The following SHANK2 variants were observed in gnomAD, a reference collection of about 807,000 sequenced individuals.
The protein encoded by SHANK2 is SH3 and multiple ankyrin repeat domains 2.
A neutral mutation model predicts 133.7 loss-of-function variants in SHANK2; 43 were observed. The observed-to-expected ratio is 0.32, with a 90% CI of 0.25 to 0.41. SHANK2 has a LOEUF of 0.41. SHANK2 is among the 10% of genes least tolerant of loss of function. The pLI, the probability that SHANK2 is intolerant of heterozygous loss-of-function variation, is 1.00. For synonymous variants in SHANK2, 1,017 were observed against 952.8 expected (o/e 1.07, Z -1.24); for missense variants, 1,994 against 2,235.8 (o/e 0.89, Z 2.18).
chr11:71,083,765 C>T (rs1313778267), intron 8 of SHANK2, among the ~76,000 whole-genome samples: 2 of 152,166 alleles, frequency 1.3e-5, no homozygotes, highest in Admixed American at 6.5e-5. Flanking sequence ...TGAAGTTGCA[C>T]GGTGGATGTA....
Position 70,830,382 on chromosome 11 carries a change from G to A in SHANK2, c.1175-9700C>T, listed in dbSNP as rs1468267545. ...GCCCTCCCAGAAATCCACACTTGGG[G>A]TTATTGCAGGAGACGAGCTCACCCC... On this transcript the variant is annotated intron_variant, in intron 11 of 25. Coordinates refer to ENST00000601538, the MANE Select transcript of SHANK2 (RefSeq NM_012309.5). This position sits in a 1 kb window ranked among gnomAD's most constrained non-coding sequence, Gnocchi z 4.4. Among the ~76,000 whole-genome samples the A allele has an allele frequency of 3.9e-5, 6 of 152,188 alleles. No homozygotes were observed. Among genetic ancestry groups the A allele is most frequent in the Non-Finnish European group, 8.8e-5 (6 of 68,036 alleles).
At chr11:70,627,389 G>A (rs145600336) in intron 17 of SHANK2, among the ~76,000 whole-genome samples, 18 of 152,324 alleles carry the variant, frequency 1.2e-4, no homozygotes, top group African/African-American at 4.3e-4. Flanking sequence ...GTTCCTAAGT[G>A]AGGAGGGCAA....
In SHANK2 at chr11:70,658,208, A is replaced by AACACACAC. The variant is rs782131753; in HGVS notation, c.2061+1612_2061+1619dup. Among the ~76,000 whole-genome samples the AACACACAC allele has an allele frequency of 7.6e-4, 74 of 97,560 alleles. 1 individual carries two copies. The highest frequency in any genetic ancestry group is 1.8e-3 in the South Asian group (4 of 2,264). 64.0% of individuals were successfully genotyped at this position (97,560 alleles called of 152,430 possible). On this transcript the variant is annotated intron_variant, in intron 17 of 25. Transcript: ENST00000601538. Reference sequence around the variant, plus strand: ...GCTAGGCCCAAGGCCACGCCCCCCCAACACACACACACACACACACACACA... The same window carrying AACACACAC: ...GCTAGGCCCAAGGCCACGCCCCCCCAACACACACACACACACACACACACACACACACA...
At chr11:70,799,064 G>A (rs1272884219) in intron 13 of SHANK2, among the ~76,000 whole-genome samples, 2 of 152,290 alleles carry the variant, frequency 1.3e-5, no homozygotes, top group African/African-American at 4.8e-5. Flanking sequence ...CACCTGCCCG[G>A]CTCTGTCTGG....
chr11:70,734,681 C>A (rs540941936), intron 14 of SHANK2, among the ~76,000 whole-genome samples: 1 of 152,200 alleles, frequency 6.6e-6, no homozygotes, highest in Non-Finnish European at 1.5e-5. Context: ...TCAGCAGGGG[C>A]CCCACAGCCT....
rs554497469 is a variant in SHANK2, at chr11:70,644,551, G to T, written c.2061+15277C>A. Among the ~76,000 whole-genome samples the T allele has an allele frequency of 9.8e-5, 15 of 152,354 alleles. No homozygotes were observed. The East Asian group carries it at 2.9e-3, about 29-fold the overall frequency. ...GCGACAGGAACTGAGGGGGCCCCCG[G>T]CCAAGGGCAGGACCAGCAGCCCTCC... On this transcript the variant is annotated intron_variant, in intron 17 of 25. Transcript: ENST00000601538.
At chr11:70,572,842 C>T (rs960726661) in intron 17 of SHANK2, among the ~76,000 whole-genome samples, 3 of 152,150 alleles carry the variant, frequency 2.0e-5, no homozygotes, top group African/African-American at 7.2e-5. Flanking sequence ...ACCGCTTGGC[C>T]GTCTCTCAAA....
intron 2 of SHANK2, among the ~76,000 whole-genome samples, chr11:71,192,622 G>A (rs1411460628): frequency 1.3e-5 from 2 of 152,120 alleles, no homozygotes; most frequent in South Asian, 2.1e-4. Context: ...AAGGAACAAC[G>A]TGCCCCACCC....
chr11:70,803,971 G>C (rs114887553), intron 13 of SHANK2, among the ~76,000 whole-genome samples: 16 of 152,092 alleles, frequency 1.1e-4, no homozygotes, highest in African/African-American at 2.4e-5. Context: ...AAATGGGACC[G>C]AGCGGAGGAG....
At chr11:70,917,032 A>G (rs1243172525) in intron 10 of SHANK2, among the ~76,000 whole-genome samples, 1 of 152,168 alleles carries the variant, frequency 6.6e-6, no homozygotes, top group Non-Finnish European at 1.5e-5. Context: ...AGGAGAGGGA[A>G]AGCGACCAAG....
chr11:70,822,914 C>G (rs1590725233), intron 11 of SHANK2, among the ~76,000 whole-genome samples: 1 of 45,978 alleles, frequency 2.2e-5, no homozygotes, highest in Non-Finnish European at 3.9e-5. Context: ...AGAGGTGGCA[C>G]TGGCAGAGGT....
intron 11 of SHANK2, among the ~76,000 whole-genome samples, chr11:70,880,446 T>C: frequency 6.6e-6 from 1 of 152,082 alleles, no homozygotes; most frequent in East Asian, 1.9e-4. Flanking sequence ...CAGGGACAGC[T>C]CCTGCCTGTG....
intron 11 of SHANK2, chr11:70,864,462 C>G (rs1328023893): frequency 2.0e-5 from 3 of 152,554 alleles, no homozygotes; most frequent in Admixed American, 6.5e-5. Context: ...CAGCCCAGGT[C>G]CCCCACTGTC....
Position 70,471,507 on chromosome 11 carries a change from G to A in SHANK2, c.*1362C>T, listed in dbSNP as rs2058598153. The stretch of plus-strand genomic sequence containing the variant: ...GGCGGGGCTCAAGAAAGCCTTGCCA[G>A]AGAGGCTGACCTGGCAGCCCAGGAG... On this transcript the variant is annotated 3_prime_UTR_variant, in exon 26 of 26. Transcript: ENST00000601538. The surrounding 1 kb of genome is among the most constrained non-coding windows in gnomAD (Gnocchi z 4.1). The A allele has an allele frequency of 2.5e-6, 1 of 398,024 alleles. No homozygotes were observed. Among genetic ancestry groups the A allele is most frequent in the Admixed American group, 4.4e-5 (1 of 22,702 alleles). The allele number at this position is 398,024 out of a possible 1,614,324, so 24.7% of individuals were successfully genotyped here.
At chr11:70,727,745 G>A (rs906939523) in intron 14 of SHANK2, among the ~76,000 whole-genome samples, 6 of 152,184 alleles carry the variant, frequency 3.9e-5, no homozygotes, top group Non-Finnish European at 2.9e-5. Context: ...ACCTCCCAAG[G>A]TCCCGGGTTG....
At chr11:70,815,931 G>A (rs560346889) in intron 12 of SHANK2, among the ~76,000 whole-genome samples, 20 of 152,272 alleles carry the variant, frequency 1.3e-4, no homozygotes, top group East Asian at 7.7e-4. Flanking sequence ...CTGGCCAGTC[G>A]CCTCCCTGCC....
chr11:70,833,265 C>T (rs1295411920), intron 11 of SHANK2, among the ~76,000 whole-genome samples: 5 of 150,262 alleles, frequency 3.3e-5, no homozygotes, highest in African/African-American at 7.6e-5. Context: ...TGTGGCTAGA[C>T]GCCCCGACTG....
chr11:70,918,841 T>C (rs1243953851), intron 10 of SHANK2, among the ~76,000 whole-genome samples: 1 of 152,148 alleles, frequency 6.6e-6, no homozygotes, highest in African/African-American at 2.4e-5. Flanking sequence ...ATAAAAATAG[T>C]ATACACTGAT....
At chr11:70,557,147 G>A (rs963152888) in intron 17 of SHANK2, among the ~76,000 whole-genome samples, 4 of 90,722 alleles carry the variant, frequency 4.4e-5, no homozygotes, top group African/African-American at 1.6e-4. Flanking sequence ...TGCACTAAAA[G>A]CCTCATTCAT....
Sources: allele counts gnomAD v4.1 joint callset (sites outside exome capture counted in the v4.1 genomes callset), GRCh38; gene constraint gnomAD v4.1.1; non-coding constraint Gnocchi (gnomAD v3.1); transcripts MANE v1.5; gene names NCBI Gene and HGNC (gene_info 2026-07-23, HGNC 2026-07-21).